The following EBF1 variants were observed in gnomAD, a reference collection of about 807,000 sequenced individuals.
EBF1 encodes transcription factor COE1.
EBF1 carries 10 observed loss-of-function variants against 68.4 expected under a neutral mutation model. That is an observed-to-expected ratio of 0.15 (90% CI 0.09 to 0.25). EBF1 has a LOEUF of 0.25. Among genes scored for constraint, EBF1 ranks in the 10% least tolerant of loss-of-function variants. The pLI is 1.00. For synonymous variants in EBF1, 298 were observed against 299.8 expected, an observed-to-expected ratio of 0.99 and a Z score of 0.06; for missense variants, 509 against 794.4, an observed-to-expected ratio of 0.64 and a Z score of 4.32.
chr5:158,725,627 C>A (rs145614987), intron 11 of EBF1, among the ~76,000 whole-genome samples: 4 of 152,340 alleles, frequency 2.6e-5, no homozygotes, highest in African/African-American at 9.6e-5. Context: ...AAAATGAATG[C>A]AGTTCATTTC....
intron 6 of EBF1, among the ~76,000 whole-genome samples, chr5:158,907,129 G>T (rs1804818356): frequency 6.6e-6 from 1 of 152,214 alleles, no homozygotes; most frequent in African/African-American, 2.4e-5. Context: ...ATTATGGCTA[G>T]ATACTGGGAG....
chr5:158,923,022 G>C (rs1359085810), intron 6 of EBF1, among the ~76,000 whole-genome samples: 1 of 152,192 alleles, frequency 6.6e-6, no homozygotes, highest in East Asian at 1.9e-4. Flanking sequence ...CAATTAGGTG[G>C]TCTATTAGCA....
chr5:158,823,873 A>T (rs1375486366), intron 7 of EBF1, among the ~76,000 whole-genome samples: 1 of 151,890 alleles, frequency 6.6e-6, no homozygotes, highest in African/African-American at 2.4e-5. Context: ...CCCCCTCACT[A>T]CTATTACCAT....
chr5:158,797,545 G>A (rs2127748657), intron 8 of EBF1, among the ~76,000 whole-genome samples: 1 of 152,284 alleles, frequency 6.6e-6, no homozygotes, highest in South Asian at 2.1e-4. Context: ...AAGCCAATGA[G>A]AGCACTAGTT....
At chr5:158,930,885 C>T (rs1810732779) in intron 6 of EBF1, among the ~76,000 whole-genome samples, 2 of 147,146 alleles carry the variant, frequency 1.4e-5, no homozygotes, top group South Asian at 4.2e-4. Flanking sequence ...TCTCAGGTTA[C>T]CCAAAAAAAA....
In EBF1 at chr5:158,788,802, G is replaced by A. The variant is rs1298487556; in HGVS notation, c.909+7543C>T. ...GACACGTGTACCTCCTGAACACGCT[G>A]TAAATAATGAGCTGAAAATGTCATC... On this transcript the variant is annotated intron_variant, in intron 9 of 15. Coordinates refer to ENST00000313708, the MANE Select transcript of EBF1 (RefSeq NM_024007.5). Among the ~76,000 whole-genome samples, 4 of 152,150 alleles carry A rather than the reference G, an allele frequency of 2.6e-5. No homozygotes were observed. The East Asian group carries it at 5.8e-4, about 22-fold the overall frequency.
At chr5:158,747,900 G>A (rs934044152) in intron 10 of EBF1, among the ~76,000 whole-genome samples, 7 of 152,134 alleles carry the variant, frequency 4.6e-5, no homozygotes, top group South Asian at 2.1e-4. Flanking sequence ...GAGGGGTGAC[G>A]GATCTTGCCT....
Position 158,838,445 on chromosome 5 carries a change from C to CAAA in EBF1, c.636+1581_636+1583dup, listed in dbSNP as rs11464337. 2.9e-3 allele frequency among the ~76,000 whole-genome samples: 322 copies of CAAA among 110,440 alleles called. 6 individuals carry two copies. Among genetic ancestry groups the CAAA allele is most frequent in the African/African-American group, 0.01 (275 of 26,862 alleles). 72.5% of individuals were successfully genotyped at this position (110,440 alleles called of 152,430 possible). On this transcript the variant is annotated intron_variant, in intron 7 of 15. Coordinates refer to ENST00000313708, the MANE Select transcript of EBF1 (RefSeq NM_024007.5). ...TGGGCAACAGAGCAAGACTCCATCT[C>CAAA]AAAAAAAAAAAAAAAACGAAAGAAA...
intron 6 of EBF1, among the ~76,000 whole-genome samples, chr5:158,935,809 G>A (rs1362769703): frequency 1.3e-5 from 2 of 152,146 alleles, no homozygotes; most frequent in Admixed American, 6.5e-5. Flanking sequence ...CACCCACTCT[G>A]TGCTGGGTAT....
chr5:159,094,534 T>TCTACCACATATTTCTACCACATTTCTACC (rs1782231640), intron 4 of EBF1, among the ~76,000 whole-genome samples: 1 of 152,194 alleles, frequency 6.6e-6, no homozygotes, highest in Non-Finnish European at 1.5e-5. Context: ...ACCACATATT[T>TCTACCACATATTTCTACCACATTTCTACC]AAGCCGTGGT....
chr5:158,785,606 T>C (rs551547903), intron 9 of EBF1, among the ~76,000 whole-genome samples: 1 of 152,300 alleles, frequency 6.6e-6, no homozygotes, highest in African/African-American at 2.4e-5. Context: ...ATTTACTGTT[T>C]CACAAAAATT....
intron 14 of EBF1, 104 bp downstream of exon 14, chr5:158,712,050 T>TG (rs971779701): frequency 5.1e-6 from 7 of 1,379,214 alleles, no homozygotes; most frequent in African/African-American, 1.4e-5. Context: ...GAGGGAAAGA[T>TG]GGGGGGCCTC....
At chr5:158,775,832 C>T (rs1775114103) in intron 10 of EBF1, among the ~76,000 whole-genome samples, 1 of 137,946 alleles carries the variant, frequency 7.2e-6, no homozygotes, top group Non-Finnish European at 1.5e-5. Context: ...ACACACACTG[C>T]TATGTGGAAG....
intron 9 of EBF1, among the ~76,000 whole-genome samples, chr5:158,791,592 T>C (rs535879964): frequency 3.9e-5 from 6 of 151,982 alleles, no homozygotes; most frequent in Non-Finnish European, 8.8e-5. Flanking sequence ...TTTTTTTTAA[T>C]TGACAGCTTA....
At position 158,712,253 on chromosome 5, in the gene EBF1, C is replaced by T. The variant is rs374891820; in HGVS notation, c.1450G>A (p.Val484Ile). 196 of 1,613,838 alleles carry T rather than the reference C, an allele frequency of 1.2e-4. No homozygotes were observed. The highest frequency in any genetic ancestry group is 3.3e-4 in the Middle Eastern group (2 of 6,084). Residue 484 changes from valine (V) to isoleucine (I), a missense_variant, in exon 14 of 16, where the codon GTC becomes ATC. Physicochemically the swap from Val to Ile is conservative, Grantham distance 29. This residue lies in a region of EBF1 where 205 missense variants were observed against 247.4 expected (regional missense o/e 0.83). Coordinates refer to ENST00000313708, the MANE Select transcript of EBF1 (RefSeq NM_024007.5). ...CCGTATCCGTTCATGCTCGTGGTGA[C>T]GGAGTTATAGTTGGTCTGCTGGGGA... is the stretch of plus-strand genomic sequence containing the variant. ...TTPQQTNYNS[V>I]TTSMNGYGSA...
At chr5:158,882,594 G>A (rs1454754674) in intron 6 of EBF1, among the ~76,000 whole-genome samples, 1 of 152,148 alleles carries the variant, frequency 6.6e-6, no homozygotes, top group Non-Finnish European at 1.5e-5. Flanking sequence ...AATATGCAAA[G>A]TTTCTCGAAG....
intron 6 of EBF1, among the ~76,000 whole-genome samples, chr5:159,029,729 T>C (rs1768383081): frequency 6.6e-6 from 1 of 152,060 alleles, no homozygotes; most frequent in Non-Finnish European, 1.5e-5. Context: ...CCAAGGCGGG[T>C]GGATCACTTG....
Position 158,746,433 on chromosome 5 carries a change from A to G in EBF1, c.1037-15276T>C, listed in dbSNP as rs77863168. ...TGTATTAAGTTCAGAGGCATCCCCA[A>G]AAGTAGGCCCAGTGGCCACATAAAC... On this transcript the variant is annotated intron_variant, in intron 10 of 15. Transcript: ENST00000313708. Among the ~76,000 whole-genome samples, 904 of 152,310 alleles carry G rather than the reference A, an allele frequency of 5.9e-3. 9 individuals are homozygous for G. Among genetic ancestry groups the G allele is most frequent in the African/African-American group, 0.02 (833 of 41,572 alleles).
At chr5:159,056,281 C>T (rs538771875) in intron 6 of EBF1, among the ~76,000 whole-genome samples, 3 of 152,220 alleles carry the variant, frequency 2.0e-5, no homozygotes, top group South Asian at 4.2e-4. Flanking sequence ...TCTGTGGAGA[C>T]GGAAAAAATT....
Sources: allele counts gnomAD v4.1 joint callset (sites outside exome capture counted in the v4.1 genomes callset), GRCh38; gene constraint gnomAD v4.1.1; regional missense constraint gnomAD v4.1.1; transcripts MANE v1.5; gene names NCBI Gene and HGNC (gene_info 2026-07-23, HGNC 2026-07-21).